The following MEGF10 variants were observed in gnomAD, a reference collection of about 807,000 sequenced individuals.
MEGF10 encodes the protein multiple epidermal growth factor-like domains protein 10.
In MEGF10, 86 loss-of-function variants were observed where a neutral mutation model predicts 147.5. The observed-to-expected ratio is 0.58, with a 90% CI of 0.49 to 0.70. MEGF10 has a LOEUF of 0.70. MEGF10 is among the 30% of genes least tolerant of loss of function. The pLI, the probability that MEGF10 is intolerant of heterozygous loss-of-function variation, is 0.00. For synonymous variants in MEGF10, 478 were observed against 525.5 expected (o/e 0.91, Z 1.24); for missense variants, 1,329 against 1,487.3 (o/e 0.89, Z 1.75).
upstream of MEGF10, among the ~76,000 whole-genome samples, chr5:127,286,331 G>A (rs971007431): frequency 2.0e-5 from 3 of 152,022 alleles, no homozygotes; most frequent in African/African-American, 7.2e-5. Context: ...CTAACACATA[G>A]TAATGATAAA....
chr5:127,337,460 A>G (rs1761512243), intron 2 of MEGF10, among the ~76,000 whole-genome samples: 2 of 152,140 alleles, frequency 1.3e-5, no homozygotes, highest in Admixed American at 1.3e-4. Flanking sequence ...ACAGGATGAA[A>G]AAATATTGGT....
chr5:127,235,699 C>G, the MEGF10 span, among the ~76,000 whole-genome samples: 1 of 152,174 alleles, frequency 6.6e-6, no homozygotes, highest in Admixed American at 6.5e-5. Flanking sequence ...ATTTTGGTAC[C>G]TGCACCAAAT....
chr5:127,359,517 C>G (rs917737563), intron 4 of MEGF10, among the ~76,000 whole-genome samples: 3 of 152,060 alleles, frequency 2.0e-5, no homozygotes, highest in Non-Finnish European at 4.4e-5. Flanking sequence ...TTCCTCATAC[C>G]CTTTTGTAAT....
chr5:127,398,329 A>G (rs904910926), intron 6 of MEGF10, among the ~76,000 whole-genome samples: 4 of 152,212 alleles, frequency 2.6e-5, no homozygotes, highest in Admixed American at 6.5e-5. Flanking sequence ...ACATATAAAC[A>G]AAAGTAGACT....
At chr5:127,445,775 GTGC>G in intron 20 of MEGF10, 82 bp downstream of exon 20, 1 of 975,454 alleles carries the variant, frequency 1.0e-6, no homozygotes, top group Non-Finnish European at 1.6e-6. Flanking sequence ...GTGTTTGGCT[GTGC>G]TGTCCATTGT....
intron 21 of MEGF10, among the ~76,000 whole-genome samples, chr5:127,448,712 G>A (rs565026963): frequency 1.7e-4 from 26 of 151,856 alleles, no homozygotes; most frequent in African/African-American, 3.4e-4. Context: ...TCATGTTTAC[G>A]CCTAGGATAA....
intron 5 of MEGF10, among the ~76,000 whole-genome samples, chr5:127,391,738 G>C (rs1763706400): frequency 6.6e-6 from 1 of 152,106 alleles, no homozygotes; most frequent in African/African-American, 2.4e-5. Context: ...TCAAACAGAT[G>C]ACTGTCATTC....
chr5:127,457,341 C>T lies in MEGF10; in HGVS notation c.*23C>T. The T allele has an allele frequency of 6.2e-7, 1 of 1,603,772 alleles. No homozygotes were observed. Among genetic ancestry groups the T allele is most frequent in the South Asian group, 1.1e-5 (1 of 89,762 alleles). ...TGACACCAAAGGACCGCTTGGTAGC[C>T]ACTGGAACCCTTTCCAGAACTGCTG... On this transcript the variant is annotated 3_prime_UTR_variant, in exon 25 of 25. Coordinates refer to ENST00000503335, the MANE Select transcript of MEGF10 (RefSeq NM_001256545.2).
At chr5:127,321,743 A>G (rs1760794880) in intron 1 of MEGF10, among the ~76,000 whole-genome samples, 1 of 152,050 alleles carries the variant, frequency 6.6e-6, no homozygotes, top group Non-Finnish European at 1.5e-5. Flanking sequence ...ATCTGTTTGC[A>G]TCCTTCTGAC....
the MEGF10 span, among the ~76,000 whole-genome samples, chr5:127,239,456 TATAA>T: frequency 1.4e-5 from 2 of 142,928 alleles, no homozygotes; most frequent in Admixed American, 1.4e-4. Flanking sequence ...ATATATTATA[TATAA>T]AATATATATA....
the MEGF10 span, chr5:127,229,472 A>C: frequency 6.6e-6 from 1 of 151,912 alleles, no homozygotes; most frequent in Non-Finnish European, 1.5e-5. Flanking sequence ...CCTCCCGGGC[A>C]GGCCTGGCGG....
intron 13 of MEGF10, among the ~76,000 whole-genome samples, chr5:127,429,546 G>T (rs1358751352): frequency 5.9e-5 from 9 of 152,152 alleles, no homozygotes; most frequent in African/African-American, 1.9e-4. Flanking sequence ...TGTGCTAGGT[G>T]CTATGGTGAG....
chr5:127,274,003 C>G, the MEGF10 span, among the ~76,000 whole-genome samples: 1 of 152,184 alleles, frequency 6.6e-6, no homozygotes, highest in Admixed American at 6.5e-5. Context: ...AGATATAGAG[C>G]ATTTCCATCA....
the MEGF10 span, among the ~76,000 whole-genome samples, chr5:127,254,416 TA>T: frequency 6.6e-6 from 1 of 152,150 alleles, no homozygotes; most frequent in Non-Finnish European, 1.5e-5. Flanking sequence ...CTGTTTCTTC[TA>T]AAAAATGCAA....
intron 12 of MEGF10, 147 bp from the exon 13 acceptor site, chr5:127,422,523 G>GA: frequency 3.3e-6 from 2 of 615,148 alleles, no homozygotes; most frequent in African/African-American, 1.9e-5. Flanking sequence ...CAAAAAAAAA[G>GA]AAAAAAATAA....
At chr5:127,309,924 C>T (rs553954500) in intron 1 of MEGF10, among the ~76,000 whole-genome samples, 1 of 148,476 alleles carries the variant, frequency 6.7e-6, no homozygotes, top group African/African-American at 2.5e-5. Context: ...ACAAGAGTTC[C>T]AATTTTTCCA....
intron 14 of MEGF10, 77 bp downstream of exon 14, chr5:127,433,586 C>T: frequency 6.6e-7 from 1 of 1,504,490 alleles, no homozygotes; most frequent in East Asian, 2.3e-5. Flanking sequence ...CTCTGTCCCA[C>T]CTCTCAGTTT....
At chr5:127,435,531 G>A (rs1765526855) in intron 16 of MEGF10, 42 bp downstream of exon 16, 1 of 1,565,024 alleles carries the variant, frequency 6.4e-7, no homozygotes, top group African/African-American at 1.4e-5. Context: ...GTTCTTATTT[G>A]TTTGTTTTCA....
chr5:127,416,463 G>T (rs991466683), intron 9 of MEGF10, among the ~76,000 whole-genome samples: 2 of 152,118 alleles, frequency 1.3e-5, no homozygotes, highest in Non-Finnish European at 2.9e-5. Context: ...TGAGACTCAC[G>T]CTCTGGTCCT....
Sources: gnomAD v4.1 joint callset for allele counts (sites outside exome capture counted in the v4.1 genomes callset) on GRCh38, gnomAD v4.1.1 for gene constraint, MANE v1.5 for transcripts, NCBI Gene and HGNC (gene_info 2026-07-23, HGNC 2026-07-21) for gene names.